Variants in DPP10 observed in about 807,000 individuals in gnomAD.
The protein encoded by DPP10 is dipeptidyl peptidase like 10.
Under a neutral mutation model 120.9 loss-of-function variants are expected in DPP10, and 33 were observed. The ratio of observed to expected loss-of-function variants is 0.27; its 90% CI spans 0.21 to 0.37. The LOEUF is 0.37. Ranked by LOEUF, DPP10 falls within the 10% of genes least tolerant of loss-of-function variation. The pLI is 1.00. For synonymous variants in DPP10, 337 were observed against 326.1 expected (o/e 1.03, Z -0.36); for missense variants, 816 against 942.8 (o/e 0.87, Z 1.76).
intron 1 of DPP10, among the ~76,000 whole-genome samples, chr2:115,005,151 G>A (rs1307331985): frequency 2.0e-5 from 3 of 151,702 alleles, no homozygotes; most frequent in Non-Finnish European, 2.9e-5. Context: ...ACCTGCATCT[G>A]AGGGTCCTCT....
intron 2 of DPP10, among the ~76,000 whole-genome samples, chr2:115,323,117 A>G (rs1246653396): frequency 2.0e-5 from 3 of 152,198 alleles, no homozygotes; most frequent in African/African-American, 7.2e-5. Flanking sequence ...TTTCTCCACA[A>G]TAGACCTTCT....
chr2:115,545,092 C>A (rs1386346345), intron 5 of DPP10, among the ~76,000 whole-genome samples: 2 of 151,834 alleles, frequency 1.3e-5, no homozygotes, highest in Non-Finnish European at 2.9e-5. Flanking sequence ...ATCTAGGCAG[C>A]GGCAGAGTCT....
chr2:115,693,539 T>C (rs1353238247), intron 7 of DPP10, among the ~76,000 whole-genome samples: 1 of 152,132 alleles, frequency 6.6e-6, no homozygotes, highest in Non-Finnish European at 1.5e-5. Context: ...CTTTGGTTGG[T>C]TTTAAATGAC....
chr2:115,780,767 G>A (rs1682658914), intron 15 of DPP10, 107 bp from the exon 16 acceptor site: 1 of 1,035,770 alleles, frequency 9.7e-7, no homozygotes, highest in Non-Finnish European at 1.3e-6. Context: ...CTCTATGCAA[G>A]CACCGATGTA....
intron 1 of DPP10, among the ~76,000 whole-genome samples, chr2:114,541,116 T>TTC (rs936757410): frequency 6.6e-6 from 1 of 152,240 alleles, no homozygotes; most frequent in African/African-American, 2.4e-5. Context: ...GGAAAATAGC[T>TTC]TCTCTGGCAG....
intron 5 of DPP10, among the ~76,000 whole-genome samples, chr2:115,559,475 T>A (rs1430436446): frequency 6.6e-6 from 1 of 152,176 alleles, no homozygotes; most frequent in Non-Finnish European, 1.5e-5. Context: ...CTAATTAAAG[T>A]CATTCTTAAT....
At chr2:114,812,757 T>C (rs920206781) in intron 1 of DPP10, among the ~76,000 whole-genome samples, 13 of 152,174 alleles carry the variant, frequency 8.5e-5, no homozygotes, top group African/African-American at 3.1e-4. Context: ...TGCTTGTTTG[T>C]TTTTGTCTGT....
At chr2:115,031,157 T>C (rs1703813730) in intron 1 of DPP10, among the ~76,000 whole-genome samples, 2 of 123,008 alleles carry the variant, frequency 1.6e-5, no homozygotes, top group African/African-American at 6.6e-5. Flanking sequence ...CTCATAATTT[T>C]TTTTCCTCAG....
intron 1 of DPP10, among the ~76,000 whole-genome samples, chr2:114,498,038 AT>A (rs1348116180): frequency 6.6e-6 from 1 of 152,184 alleles, no homozygotes; most frequent in Admixed American, 6.5e-5. Context: ...TGTTAATATT[AT>A]TTTGATTGAC....
intron 1 of DPP10, among the ~76,000 whole-genome samples, chr2:114,992,908 T>A (rs1700832770): frequency 6.6e-6 from 1 of 152,228 alleles, no homozygotes; most frequent in Admixed American, 6.5e-5. Flanking sequence ...AACCTGTTGT[T>A]CTTTCTCAAC....
intron 3 of DPP10, among the ~76,000 whole-genome samples, chr2:115,452,328 C>T (rs917935609): frequency 6.6e-6 from 1 of 151,778 alleles, no homozygotes; most frequent in Admixed American, 6.6e-5. Flanking sequence ...TGTAGCATGC[C>T]CCCATATCTA....
intron 5 of DPP10, among the ~76,000 whole-genome samples, chr2:115,631,200 T>G (rs2149317556): frequency 6.6e-6 from 1 of 152,230 alleles, no homozygotes; most frequent in South Asian, 2.1e-4. Flanking sequence ...ATTTTATAGT[T>G]TATTTGCATA....
chr2:115,073,544 T>C (rs1707543942), intron 1 of DPP10, among the ~76,000 whole-genome samples: 1 of 152,252 alleles, frequency 6.6e-6, no homozygotes, highest in South Asian at 2.1e-4. Context: ...GTTCAGTTTA[T>C]GATTCTGTTA....
At chr2:114,883,842 T>C (rs1691843334) in intron 1 of DPP10, among the ~76,000 whole-genome samples, 1 of 152,180 alleles carries the variant, frequency 6.6e-6, no homozygotes, top group Admixed American at 6.5e-5. Flanking sequence ...TTCACCAACA[T>C]CTAGAAGTTA....
chr2:114,450,829 A>G (rs911933692), intron 1 of DPP10, among the ~76,000 whole-genome samples: 3 of 151,966 alleles, frequency 2.0e-5, no homozygotes, highest in African/African-American at 4.8e-5. Context: ...TGGAGCTTGC[A>G]TTAGTATAGC....
chr2:115,824,340 C>T (rs1688099059), intron 21 of DPP10, among the ~76,000 whole-genome samples: 1 of 152,020 alleles, frequency 6.6e-6, no homozygotes, highest in South Asian at 2.1e-4. Flanking sequence ...TACCACGGTA[C>T]ACGTGCAGAA....
intron 5 of DPP10, among the ~76,000 whole-genome samples, chr2:115,568,154 G>A (rs2081117001): frequency 6.7e-6 from 1 of 148,654 alleles, no homozygotes; most frequent in Admixed American, 6.7e-5. Context: ...CTCCAGCCTG[G>A]GTGACAAGAG....
chr2:115,834,515 T>C (rs974719983), intron 21 of DPP10, among the ~76,000 whole-genome samples: 9 of 151,984 alleles, frequency 5.9e-5, no homozygotes, highest in Non-Finnish European at 4.4e-5. Flanking sequence ...TTTTTTTTTT[T>C]CAGCATTACT....
At chr2:115,475,312 C>T (rs1198533617) in intron 3 of DPP10, among the ~76,000 whole-genome samples, 1 of 152,172 alleles carries the variant, frequency 6.6e-6, no homozygotes, top group Non-Finnish European at 1.5e-5. Context: ...ACAACTCAGG[C>T]CACCACTTCA....
Sources: allele counts gnomAD v4.1 joint callset (sites outside exome capture counted in the v4.1 genomes callset), GRCh38; gene constraint gnomAD v4.1.1; transcripts MANE v1.5; gene names NCBI Gene and HGNC (gene_info 2026-07-23, HGNC 2026-07-21).